The following MEF2D variants were observed in gnomAD, a reference collection of about 807,000 sequenced individuals.
MEF2D encodes the protein myocyte enhancer factor 2D.
MEF2D carries 10 observed loss-of-function variants against 59.3 expected under a neutral mutation model. That is an observed-to-expected ratio of 0.17 (90% CI 0.10 to 0.29). The LOEUF (loss-of-function observed/expected upper bound fraction) is 0.29, where lower values mean the gene tolerates loss of function less well. Ranked by LOEUF, MEF2D falls within the 10% of genes least tolerant of loss-of-function variation. MEF2D has a pLI of 1.00. For missense variants in MEF2D, 508 were observed against 699.4 expected (o/e 0.73, Z 3.09); for synonymous variants, 305 against 295.0 (o/e 1.03, Z -0.35).
intron 1 of MEF2D, among the ~76,000 whole-genome samples, chr1:156,496,904 T>C (rs949241605): frequency 6.6e-6 from 1 of 152,136 alleles, no homozygotes; most frequent in Non-Finnish European, 1.5e-5. Context: ...CTTTCAGCCA[T>C]AAGCAGGGAG....
chr1:156,469,391 G>A (rs901730284), intron 9 of MEF2D, among the ~76,000 whole-genome samples: 1 of 151,988 alleles, frequency 6.6e-6, no homozygotes, highest in African/African-American at 2.4e-5. Context: ...CTAAATGGCT[G>A]GGATTACAGG....
intron 1 of MEF2D, among the ~76,000 whole-genome samples, chr1:156,498,127 A>AAAAAC (rs1673250192): frequency 8.9e-6 from 1 of 112,678 alleles, no homozygotes; most frequent in Non-Finnish European, 2.1e-5. Flanking sequence ...AAAAAAAAAA[A>AAAAAC]CCCTGCTACA....
Position 156,483,193 on chromosome 1 carries a change from T to C in MEF2D, c.54+46A>G, listed in dbSNP as rs755046889. On this transcript the variant is annotated intron_variant, in intron 2 of 11. Transcript: ENST00000348159. ...CCTGAAGGGAGTAGAGGCAGAGGCC[T>C]GCTCCCTGCCCTCACCCACTTCGTA... 9 of 1,592,508 alleles carry C rather than the reference T, an allele frequency of 5.7e-6. No homozygotes were observed. In the East Asian group the frequency reaches 1.1e-4, roughly 20 times the overall value.
In MEF2D at chr1:156,475,116, T is replaced by A. The variant is rs976952509; in HGVS notation, c.998A>T (p.Tyr333Phe). The A allele has an allele frequency of 6.2e-6, 10 of 1,614,054 alleles. No individual in the cohort carries two copies. In the Admixed American group the frequency reaches 8.3e-5, roughly 13 times the overall value. Residue 333 changes from tyrosine to phenylalanine, a missense_variant, in exon 9 of 12, where the codon TAC (tyrosine) becomes TTC (phenylalanine). Tyr to Phe is a conservative substitution (Grantham distance 22). Coordinates refer to ENST00000348159, the MANE Select transcript of MEF2D (RefSeq NM_005920.4). ...GLPFSSMPTA[Y>F]NTDYQLTSAE... ...GTCACATGAACACTCACCTGTGTTGTAGGCAGTGGGCATGGAAGAGAAGGG... is the reference window on the plus strand; with the variant it reads ...GTCACATGAACACTCACCTGTGTTGAAGGCAGTGGGCATGGAAGAGAAGGG...
chr1:156,468,818 T>A lies in MEF2D; in HGVS notation c.1209A>T (p.Gln403His). ...GAGATACAGGGACCAGGTGGGACTGTTGCTGAGGTGGCTGTTGCGGCTGCT... is the reference window on the plus strand; with the variant it reads ...GAGATACAGGGACCAGGTGGGACTGATGCTGAGGTGGCTGTTGCGGCTGCT... The part of the protein sequence containing the change: ...QPQQPQQPPQ[Q>H]QSHLVPVSLS... The change falls in exon 10 of 12, where the codon CAA becomes CAT. Residue 403 changes from glutamine (Q) to histidine (H), a missense_variant. Around this residue, in one of 2 missense-constraint regions of MEF2D, gnomAD observed 481 missense variants for 584.7 expected, o/e 0.82. Transcript: ENST00000348159. The surrounding 1 kb of genome is among the most constrained non-coding windows in gnomAD (Gnocchi z 4.3). The A allele has an allele frequency of 6.2e-7, 1 of 1,614,146 alleles. No individual in the cohort carries two copies. The highest frequency in any genetic ancestry group is 8.5e-7 in the Non-Finnish European group (1 of 1,179,974).
chr1:156,469,599 A>AC (rs1671095027), intron 9 of MEF2D, among the ~76,000 whole-genome samples: 1 of 107,660 alleles, frequency 9.3e-6, no homozygotes. Flanking sequence ...TAAAAAAAAA[A>AC]AAAAAAACAG....
At chr1:156,495,187 G>A (rs1030723644) in intron 1 of MEF2D, among the ~76,000 whole-genome samples, 13 of 152,092 alleles carry the variant, frequency 8.5e-5, no homozygotes, top group Admixed American at 3.9e-4. Flanking sequence ...GCCCTCTGCT[G>A]AGGAATCCTG....
Position 156,475,200 on chromosome 1 carries a change from T to A in MEF2D, c.914A>T (p.His305Leu), listed in dbSNP as rs199777205. 262 of 1,613,864 alleles carry A rather than the reference T, an allele frequency of 1.6e-4. 1 individual carries two copies. In the East Asian group the frequency reaches 5.7e-3, roughly 35 times the overall value. Reference protein sequence around the residue: ...AQRLGVSQSTHSLTTPVVSVA... With the variant: ...AQRLGVSQSTLSLTTPVVSVA... The stretch of plus-strand genomic sequence containing the variant: ...AGAAACCACTGGGGTGGTGAGCGAA[T>A]GAGTAGACTGGGAGACCCCAAGGCG... Residue 305 changes from histidine (H) to leucine (L), a missense_variant, in exon 9 of 12, where the codon CAT becomes CTT. His to Leu is a moderately conservative substitution (Grantham distance 99, BLOSUM62 -3). Transcript: ENST00000348159.
intron 8 of MEF2D, 141 bp downstream of exon 8, chr1:156,476,353 G>T: frequency 9.8e-7 from 1 of 1,019,520 alleles, no homozygotes; most frequent in Non-Finnish European, 1.5e-6. Context: ...CCTAAGCACA[G>T]CTCCTGGCAA....
At chr1:156,470,753 C>T (rs565988709) in intron 9 of MEF2D, among the ~76,000 whole-genome samples, 1 of 152,304 alleles carries the variant, frequency 6.6e-6, no homozygotes, top group East Asian at 1.9e-4. Context: ...GTTGTGAGGA[C>T]TGAGCAAGTT....
chr1:156,477,131 C>T lies in MEF2D; in HGVS notation c.736G>A (p.Val246Ile). Residue 246 changes from valine (V) to isoleucine (I), a missense_variant, in exon 7 of 12, where the codon GTC (valine) becomes ATC (isoleucine). Around this residue, in one of 2 missense-constraint regions of MEF2D, gnomAD observed 481 missense variants for 584.7 expected, o/e 0.82. Transcript: ENST00000348159. ...PVANGNSLNK[V>I]IPAKSPPPPT... The stretch of plus-strand genomic sequence containing the variant: ...GGGGGTGGAGACTTGGCAGGGATGA[C>T]CTTGTTTAGGCTGTTGCCATTGGCC... 6.2e-7 allele frequency: 1 copy of T among 1,613,870 alleles called. No individual in the cohort carries two copies. The highest frequency in any genetic ancestry group is 1.3e-5 in the African/African-American group (1 of 74,992).
At chr1:156,488,960 C>T (rs1270942345) in intron 1 of MEF2D, among the ~76,000 whole-genome samples, 3 of 152,180 alleles carry the variant, frequency 2.0e-5, no homozygotes, top group African/African-American at 7.2e-5. Context: ...CCACCCATAT[C>T]TGTTCCCATC....
chr1:156,482,729 T>C (rs1318459664), intron 2 of MEF2D, 89 bp from the exon 3 acceptor site: 4 of 1,233,070 alleles, frequency 3.2e-6, no homozygotes, highest in Non-Finnish European at 4.7e-6. Flanking sequence ...ACATAGCCCC[T>C]GCCCTCAGGA....
chr1:156,494,724 G>A (rs1337699680), intron 1 of MEF2D, among the ~76,000 whole-genome samples: 3 of 152,248 alleles, frequency 2.0e-5, no homozygotes, highest in African/African-American at 7.2e-5. Flanking sequence ...CCCTTCCCAT[G>A]TGAGGCAGGT....
At chr1:156,485,242 T>A (rs188399380) in intron 1 of MEF2D, among the ~76,000 whole-genome samples, 2 of 152,310 alleles carry the variant, frequency 1.3e-5, no homozygotes, top group Non-Finnish European at 2.9e-5. Context: ...TGCCAATGGC[T>A]GCTGAGTTTC....
intron 4 of MEF2D, among the ~76,000 whole-genome samples, chr1:156,480,116 C>CGG (rs1037158318): frequency 6.6e-6 from 1 of 152,136 alleles, no homozygotes; most frequent in Non-Finnish European, 1.5e-5. Context: ...GCAGGACACA[C>CGG]GGGGAGCAGG....
Position 156,468,281 on chromosome 1 carries a change from G to T in MEF2D, c.1266C>A (p.Pro422=). The T allele has an allele frequency of 6.4e-7, 1 of 1,561,014 alleles. No homozygotes were observed. Among genetic ancestry groups the T allele is most frequent in the Admixed American group, 1.9e-5 (1 of 53,994 alleles). ...TGACTGTGAGGGCAGCACCCACGTG[G>T]GGCAGGGGGCTGCCCGGGCTGGAGG... ...LSNLIPGSPL[P]HVGAALTVTT... The change falls in exon 11 of 12, where the codon CCC becomes CCA. Residue 422 remains proline, a synonymous_variant. Coordinates refer to ENST00000348159, the MANE Select transcript of MEF2D (RefSeq NM_005920.4). The surrounding 1 kb of genome is among the most constrained non-coding windows in gnomAD (Gnocchi z 4.3).
chr1:156,482,875 T>C (rs1672110432), intron 2 of MEF2D, among the ~76,000 whole-genome samples: 1 of 152,074 alleles, frequency 6.6e-6, no homozygotes. Context: ...AGGATTCAGG[T>C]GGACAGAACT....
chr1:156,494,473 G>A (rs1219099948), intron 1 of MEF2D, among the ~76,000 whole-genome samples: 4 of 152,070 alleles, frequency 2.6e-5, no homozygotes, highest in South Asian at 2.1e-4. Flanking sequence ...ACAAGGAGAC[G>A]GCTGGATGGG....
Sources: allele counts gnomAD v4.1 joint callset (sites outside exome capture counted in the v4.1 genomes callset), GRCh38; gene constraint gnomAD v4.1.1; regional missense constraint gnomAD v4.1.1; non-coding constraint Gnocchi (gnomAD v3.1); transcripts MANE v1.5; gene names NCBI Gene and HGNC (gene_info 2026-07-23, HGNC 2026-07-21).